The following BNC2 variants were observed in gnomAD, a reference collection of about 807,000 sequenced individuals.
The protein encoded by BNC2 is zinc finger protein basonuclin-2.
In BNC2, 20 loss-of-function variants were observed where a neutral mutation model predicts 76.3. The observed-to-expected ratio is 0.26, with a 90% CI of 0.18 to 0.38. BNC2 has a LOEUF of 0.38. BNC2 is among the 10% of genes least tolerant of loss of function. BNC2 has a pLI of 1.00. For synonymous variants in BNC2, 582 were observed against 514.8 expected (o/e 1.13, Z -1.77); for missense variants, 1,382 against 1,399.8 (o/e 0.99, Z 0.20).
At chr9:16,576,502 T>C (rs1228904550) in intron 4 of BNC2, among the ~76,000 whole-genome samples, 1 of 152,136 alleles carries the variant, frequency 6.6e-6, no homozygotes, top group Non-Finnish European at 1.5e-5. Flanking sequence ...TATTAGAGAG[T>C]TACCAGTTGG....
intron 3 of BNC2, among the ~76,000 whole-genome samples, chr9:16,659,606 CAAAA>C (rs779661465): frequency 8.1e-6 from 1 of 122,956 alleles, no homozygotes; most frequent in South Asian, 3.0e-4. Flanking sequence ...GACTCCGTCT[CAAAA>C]AAAAAAAAAA....
At chr9:16,594,260 T>G (rs1457412840) in intron 3 of BNC2, among the ~76,000 whole-genome samples, 7 of 152,142 alleles carry the variant, frequency 4.6e-5, no homozygotes, top group Non-Finnish European at 8.8e-5. Flanking sequence ...TATCACACAC[T>G]TTGGTGACGA....
intron 3 of BNC2, among the ~76,000 whole-genome samples, chr9:16,604,882 G>T (rs111434912): frequency 1.3e-5 from 2 of 152,156 alleles, no homozygotes; most frequent in African/African-American, 4.8e-5. Flanking sequence ...AAAGAAACCA[G>T]ACCTTGTAAA....
At position 16,497,989 on chromosome 9, in the gene BNC2, G is replaced by GTGTA. The variant is rs1276060913; in HGVS notation, c.669+54540_669+54541insTACA. Among the ~76,000 whole-genome samples, 3 of 115,074 alleles carry GTGTA rather than the reference G, an allele frequency of 2.6e-5. No individual in the cohort carries two copies. In the African/African-American group the frequency reaches 2.7e-4, roughly 11 times the overall value. The allele number at this position is 115,074 out of a possible 152,430, so 75.5% of individuals were successfully genotyped here. A position where few individuals can be genotyped will look rare whatever the true frequency, so the allele number is the denominator to read the frequency against. The stretch of plus-strand genomic sequence containing the variant: ...GATAAAGAAACTGTGGTGTGTGTGT[G>GTGTA]TGTGTGTGTGTGTGTGTGTGTGTGT... On this transcript the variant is annotated intron_variant, in intron 5 of 6. Transcript: ENST00000380672.
chr9:16,748,829 C>T (rs370840539), intron 1 of BNC2, among the ~76,000 whole-genome samples: 5 of 95,738 alleles, frequency 5.2e-5, no homozygotes, highest in African/African-American at 2.2e-4. Context: ...GGCAACAGAG[C>T]GAAACCGTCT....
At chr9:16,429,829 A>G (rs2130773309) in intron 6 of BNC2, 1 of 450,122 alleles carries the variant, frequency 2.2e-6, no homozygotes, top group Non-Finnish European at 4.5e-6. Context: ...TGAGTGGTGC[A>G]GTTCTTGTAG....
At chr9:16,754,578 G>A (rs1175198632) in intron 1 of BNC2, among the ~76,000 whole-genome samples, 1 of 150,924 alleles carries the variant, frequency 6.6e-6, no homozygotes, top group Admixed American at 6.6e-5. Flanking sequence ...TTTTTCTTGA[G>A]ACAGAGTCTC....
intron 3 of BNC2, among the ~76,000 whole-genome samples, chr9:16,679,360 G>A (rs1822755176): frequency 2.6e-5 from 4 of 152,120 alleles, no homozygotes; most frequent in Admixed American, 2.6e-4. Context: ...TCTGTGAAAT[G>A]GTTCAACACG....
chr9:16,730,728 G>A (rs1187943308), intron 2 of BNC2, among the ~76,000 whole-genome samples: 1 of 152,070 alleles, frequency 6.6e-6, no homozygotes, highest in Non-Finnish European at 1.5e-5. Context: ...AATATAACAT[G>A]TTACTGCCAC....
At chr9:16,571,108 A>C (rs562092623) in intron 4 of BNC2, among the ~76,000 whole-genome samples, 1 of 152,334 alleles carries the variant, frequency 6.6e-6, no homozygotes, top group East Asian at 1.9e-4. Flanking sequence ...AGTAAAAGAA[A>C]ACACTTGCCA....
chr9:16,552,792 A>C, intron 4 of BNC2, 27 bp from the exon 5 acceptor site: 2 of 1,567,262 alleles, frequency 1.3e-6, no homozygotes, highest in Non-Finnish European at 1.8e-6. Context: ...AAAGTTCCAG[A>C]GATGGGGGTG....
chr9:16,833,834 C>T (rs1818639409), intron 1 of BNC2, among the ~76,000 whole-genome samples: 1 of 152,132 alleles, frequency 6.6e-6, no homozygotes, highest in South Asian at 2.1e-4. Context: ...AACATGGCCT[C>T]CTAGCCCCTT....
intron 1 of BNC2, among the ~76,000 whole-genome samples, chr9:16,804,256 C>T (rs577626434): frequency 1.6e-4 from 24 of 152,186 alleles, no homozygotes; most frequent in Non-Finnish European, 3.4e-4. Context: ...CACTCATTAT[C>T]GGCTAACTGT....
chr9:16,479,264 G>A (rs10962441), intron 5 of BNC2, among the ~76,000 whole-genome samples: 36,067 of 108,276 alleles, frequency 0.33, 5,967 homozygotes, highest in African/African-American at 0.62. Flanking sequence ...AAAAAAAAAA[G>A]AAAAGAAAAG....
At chr9:16,832,130 T>C (rs1415023766) in intron 1 of BNC2, 1 of 297,668 alleles carries the variant, frequency 3.4e-6, no homozygotes, top group Non-Finnish European at 5.9e-6. Context: ...TGCAGCTTCC[T>C]GGATGTAGGA....
chr9:16,581,556 T>C (rs1218357514), intron 4 of BNC2, among the ~76,000 whole-genome samples: 1 of 152,074 alleles, frequency 6.6e-6, no homozygotes, highest in Admixed American at 6.6e-5. Flanking sequence ...CATCTACAAA[T>C]GAGGAGGAGA....
intron 5 of BNC2, among the ~76,000 whole-genome samples, chr9:16,455,180 A>C (rs1319089134): frequency 6.6e-6 from 1 of 152,224 alleles, no homozygotes; most frequent in East Asian, 1.9e-4. Flanking sequence ...GAATATTAGC[A>C]CATTTAAAAT....
intron 5 of BNC2, among the ~76,000 whole-genome samples, chr9:16,440,215 G>A (rs573666647): frequency 1.0e-3 from 156 of 152,278 alleles, no homozygotes; most frequent in African/African-American, 3.7e-3. Context: ...GATACTAATT[G>A]AAGGCCCAGG....
chr9:16,659,233 C>T (rs1020911436), intron 3 of BNC2, among the ~76,000 whole-genome samples: 9 of 152,086 alleles, frequency 5.9e-5, no homozygotes, highest in Admixed American at 1.3e-4. Flanking sequence ...TCTATTGTAC[C>T]GCCATGTAAA....
Sources: gnomAD v4.1 joint callset for allele counts (sites outside exome capture counted in the v4.1 genomes callset) on GRCh38, gnomAD v4.1.1 for gene constraint, MANE v1.5 for transcripts, NCBI Gene and HGNC (gene_info 2026-07-23, HGNC 2026-07-21) for gene names.